Variants in STK31 observed in about 807,000 individuals in gnomAD.
STK31 encodes serine/threonine-protein kinase 31.
A neutral mutation model predicts 129.7 loss-of-function variants in STK31; 89 were observed. That is an observed-to-expected ratio of 0.69 (90% confidence interval 0.58 to 0.82). The LOEUF is 0.82. Ranked by LOEUF, STK31 falls within the 40% of genes least tolerant of loss-of-function variation. STK31 has a pLI of 0.00. For missense variants in STK31, 1,187 were observed against 1,176.4 expected (o/e 1.01, Z -0.13); for synonymous variants, 448 against 395.3 (o/e 1.13, Z -1.58).
rs913408382 is a variant in STK31, at chr7:23,752,745, C to G, written c.1046C>G (p.Thr349Ser). ...QQEKAAAVDL[T>S]NHLEYTLKTY... ...GAGAAGGCAGCTGCTGTGGATTTGACTAACCACTTAGAATACACTCTGAAG... is the reference window on the plus strand; with the variant it reads ...GAGAAGGCAGCTGCTGTGGATTTGAGTAACCACTTAGAATACACTCTGAAG... Residue 349 changes from threonine (T) to serine (S), a missense_variant, in exon 9 of 24, where the codon ACT (threonine) becomes AGT (serine). By Grantham distance (58) the Thr-to-Ser change is moderately conservative (BLOSUM62 1). Coordinates refer to ENST00000355870, the MANE Select transcript of STK31 (RefSeq NM_031414.5). 6.2e-7 allele frequency: 1 copy of G among 1,613,594 alleles called. No individual in the cohort carries two copies. Among genetic ancestry groups the G allele is most frequent in the Admixed American group, 1.7e-5 (1 of 59,958 alleles).
At chr7:23,720,202 A>AC (rs1786607459) in intron 4 of STK31, among the ~76,000 whole-genome samples, 1 of 152,222 alleles carries the variant, frequency 6.6e-6, no homozygotes, top group African/African-American at 2.4e-5. Context: ...AGTGAAATGA[A>AC]CATGGCATGG....
chr7:23,823,879 G>C (rs577602366), intron 23 of STK31, among the ~76,000 whole-genome samples: 43 of 152,186 alleles, frequency 2.8e-4, no homozygotes, highest in Non-Finnish European at 1.6e-4. Context: ...GCTTGTTTTT[G>C]TCAGGTTTGT....
chr7:23,810,278 C>T (rs886559424), intron 22 of STK31, among the ~76,000 whole-genome samples: 1 of 151,756 alleles, frequency 6.6e-6, no homozygotes, highest in Admixed American at 6.6e-5. Context: ...TCCAAAGGTA[C>T]CTACATTGTT....
intron 22 of STK31, among the ~76,000 whole-genome samples, chr7:23,792,606 A>G (rs1218523389): frequency 6.6e-6 from 1 of 152,218 alleles, no homozygotes; most frequent in African/African-American, 2.4e-5. Flanking sequence ...GAAATTGACA[A>G]TTAGATTTTA....
intron 23 of STK31, among the ~76,000 whole-genome samples, chr7:23,823,065 A>G (rs1793891234): frequency 6.6e-6 from 1 of 152,180 alleles, no homozygotes; most frequent in Admixed American, 6.5e-5. Context: ...GTATGTGTGC[A>G]TGTGTCTTTA....
At chr7:23,769,563 C>A in intron 12 of STK31, 77 bp from the exon 13 acceptor site, 1 of 985,662 alleles carries the variant, frequency 1.0e-6, no homozygotes. Flanking sequence ...GCTTAATACT[C>A]TGCTTCAGGT....
At chr7:23,803,988 G>GA (rs1792536199) in intron 22 of STK31, among the ~76,000 whole-genome samples, 1 of 152,148 alleles carries the variant, frequency 6.6e-6, no homozygotes, top group Middle Eastern at 3.2e-3. Context: ...ATGTTACATT[G>GA]AAAAAGAATT....
At chr7:23,810,290 A>T (rs2128124930) in intron 22 of STK31, among the ~76,000 whole-genome samples, 1 of 151,890 alleles carries the variant, frequency 6.6e-6, no homozygotes, top group East Asian at 1.9e-4. Flanking sequence ...TACATTGTTG[A>T]ATTTGGAGTA....
intron 23 of STK31, among the ~76,000 whole-genome samples, chr7:23,826,789 G>A (rs1794181160): frequency 1.3e-5 from 2 of 152,152 alleles, no homozygotes; most frequent in Non-Finnish European, 2.9e-5. Flanking sequence ...GGCAGGTCTG[G>A]TGGTGACAAA....
chr7:23,747,971 A>G (rs980408541), intron 8 of STK31, among the ~76,000 whole-genome samples: 7 of 152,098 alleles, frequency 4.6e-5, no homozygotes, highest in African/African-American at 1.4e-4. Context: ...TGATTGATTT[A>G]TACTTTCCTA....
chr7:23,714,151 CAT>C (rs1786154319), intron 3 of STK31, among the ~76,000 whole-genome samples: 1 of 151,910 alleles, frequency 6.6e-6, no homozygotes, highest in South Asian at 2.1e-4. Context: ...GGCATGGCTG[CAT>C]GTAAAAAAAA....
intron 8 of STK31, among the ~76,000 whole-genome samples, chr7:23,750,070 C>CA (rs1554287958): frequency 8.6e-6 from 1 of 116,690 alleles, no homozygotes; most frequent in African/African-American, 3.0e-5. Flanking sequence ...GTTTGTTTCC[C>CA]CCCCCGCCAC....
intron 23 of STK31, among the ~76,000 whole-genome samples, chr7:23,830,156 T>A (rs925162636): frequency 2.6e-5 from 4 of 152,126 alleles, no homozygotes; most frequent in African/African-American, 9.7e-5. Context: ...GCATAGTGTC[T>A]TCTTTTTCAT....
chr7:23,730,872 A>ATTTTTTTTTTTTTTTTTTTT (rs1455690740), intron 6 of STK31, among the ~76,000 whole-genome samples: 1 of 56,128 alleles, frequency 1.8e-5, no homozygotes, highest in Non-Finnish European at 3.6e-5. Flanking sequence ...ATATATATAT[A>ATTTTTTTTTTTTTTTTTTTT]TATATATTTT....
chr7:23,737,973 C>T (rs1787818234), intron 8 of STK31, among the ~76,000 whole-genome samples: 1 of 152,020 alleles, frequency 6.6e-6, no homozygotes, highest in South Asian at 2.1e-4. Flanking sequence ...TCTAATAATT[C>T]AGCTCCATTC....
In STK31 at chr7:23,710,807, A is replaced by G. The variant is rs1785908597; in HGVS notation, c.50+472A>G. On this transcript the variant is annotated intron_variant, in intron 1 of 23. Coordinates refer to ENST00000355870, the MANE Select transcript of STK31 (RefSeq NM_031414.5). ...TAAAATAAGATTTAAAAACTACTCTAGAAGTAGCTTCTTGGAGTGTGTGGA... is the reference window on the plus strand; with the variant it reads ...TAAAATAAGATTTAAAAACTACTCTGGAAGTAGCTTCTTGGAGTGTGTGGA... 6.9e-6 allele frequency: 7 copies of G among 1,011,066 alleles called. No individual in the cohort carries two copies. In the African/African-American group the frequency reaches 1.2e-4, roughly 17 times the overall value. 62.6% of individuals were successfully genotyped at this position (1,011,066 alleles called of 1,614,324 possible). A position where few individuals can be genotyped will look rare whatever the true frequency, so the allele number is the denominator to read the frequency against.
intron 17 of STK31, among the ~76,000 whole-genome samples, chr7:23,784,467 T>C (rs192458467): frequency 4.6e-5 from 7 of 152,308 alleles, no homozygotes; most frequent in Admixed American, 3.3e-4. Context: ...GTGATTACCT[T>C]ATGCAGTGTG....
rs1308848957 is a variant in STK31 at position 23,790,940 on chromosome 7, A to G, written c.2754A>G (p.Leu918=). The G allele has an allele frequency of 1.3e-6, 2 of 1,559,208 alleles. No individual in the cohort carries two copies. Among genetic ancestry groups the G allele is most frequent in the Non-Finnish European group, 1.7e-6 (2 of 1,159,232 alleles). Residue 918 remains leucine (L), a synonymous_variant, in exon 22 of 24, where the codon TTA becomes TTG. Coordinates refer to ENST00000355870, the MANE Select transcript of STK31 (RefSeq NM_031414.5). ...GSDLYAYGCL[L]LWLSVQNQEF... The stretch of plus-strand genomic sequence containing the variant: ...ACTTATATGCTTATGGCTGCCTCTT[A>G]TTATGGGTATGTTATTTTTTTGTTG...
rs759280009 is a variant in STK31 at position 23,735,893 on chromosome 7, C to A, written c.839C>A (p.Pro280Gln). Residue 280 changes from proline to glutamine, a missense_variant, in exon 7 of 24, where the codon CCA becomes CAA. This residue lies in a region of STK31 where 975 missense variants were observed against 934.9 expected (regional missense o/e 1.04). Transcript: ENST00000355870. ...ENDAGNLITF[P>Q]KESLAVGDFN... is the part of the protein sequence containing the mutation. ...GATGCAGGCAATCTTATAACATTTC[C>A]AAAGTAAGAATTTAGTCTTCACTAA... The A allele has an allele frequency of 1.9e-6, 3 of 1,566,112 alleles. No homozygotes were observed. The highest frequency in any genetic ancestry group is 2.6e-6 in the Non-Finnish European group (3 of 1,156,912).
Sources: allele counts gnomAD v4.1 joint callset (sites outside exome capture counted in the v4.1 genomes callset), GRCh38; gene constraint gnomAD v4.1.1; regional missense constraint gnomAD v4.1.1; transcripts MANE v1.5; gene names NCBI Gene and HGNC (gene_info 2026-07-23, HGNC 2026-07-21).